SH3BGRL2: variants seen among roughly 807,000 people sequenced by gnomAD.
The protein encoded by SH3BGRL2 is SH3 domain-binding glutamic acid-rich-like protein 2.
In SH3BGRL2, 21 loss-of-function variants were observed where a neutral mutation model predicts 14.8. The observed-to-expected ratio is 1.42, with a 90% CI of 1.01 to 2.05. SH3BGRL2 has a LOEUF of 2.05. Ranked by LOEUF, SH3BGRL2 falls within the 30% of genes most tolerant of loss-of-function variation. The probability of loss-of-function intolerance (pLI) is 0.00; values close to 1 mark genes in which losing one functional copy is unlikely to be tolerated. For missense variants in SH3BGRL2, 147 were observed against 130.8 expected, an observed-to-expected ratio of 1.12 and a Z score of -0.61; for synonymous variants, 50 against 47.8, an observed-to-expected ratio of 1.05 and a Z score of -0.19.
At chr6:79,599,882 C>G in the SH3BGRL2 span, among the ~76,000 whole-genome samples, 754 of 152,200 alleles carry the variant, frequency 5.0e-3, 4 homozygotes, top group South Asian at 0.023. Context: ...GGTTCAGAAT[C>G]CAGAGGCAAT....
chr6:79,539,567 T>G, the SH3BGRL2 span, among the ~76,000 whole-genome samples: 1 of 152,238 alleles, frequency 6.6e-6, no homozygotes, highest in Non-Finnish European at 1.5e-5. Context: ...TTTGCTACAT[T>G]GCTAACTGAA....
chr6:79,601,881 TA>T, the SH3BGRL2 span, among the ~76,000 whole-genome samples: 5 of 151,962 alleles, frequency 3.3e-5, no homozygotes, highest in East Asian at 1.9e-4. Context: ...TGAGATGGCT[TA>T]AAAAAATATG....
At chr6:79,603,027 G>C in the SH3BGRL2 span, among the ~76,000 whole-genome samples, 1 of 152,010 alleles carries the variant, frequency 6.6e-6, no homozygotes. Flanking sequence ...AAAGGAATAT[G>C]ATGTTGAAAA....
Position 79,701,069 on chromosome 6 carries a change from T to C in SH3BGRL2, c.*1560T>C, listed in dbSNP as rs1770445225. 1.3e-5 allele frequency: 2 copies of C among 152,148 alleles called. No homozygotes were observed. The highest frequency in any genetic ancestry group is 2.9e-5 in the Non-Finnish European group (2 of 68,020). 9.4% of individuals were successfully genotyped at this position (152,148 alleles called of 1,614,324 possible). A position where few individuals can be genotyped will look rare whatever the true frequency, so the allele number is the denominator to read the frequency against. On this transcript the variant is annotated 3_prime_UTR_variant, in exon 4 of 4. Transcript: ENST00000369838. ...CTAAGGCTGAAATCCCAACCTGAGA[T>C]TTGTAGTCCAGGATTACAACCAGAA...
chr6:79,599,246 GGGAAGTGC>G, the SH3BGRL2 span, among the ~76,000 whole-genome samples: 1 of 152,120 alleles, frequency 6.6e-6, no homozygotes, highest in Non-Finnish European at 1.5e-5. Context: ...CCACTTCTTA[GGGAAGTGC>G]AAATTTGGAT....
the SH3BGRL2 span, among the ~76,000 whole-genome samples, chr6:79,578,997 T>G: frequency 6.6e-6 from 1 of 152,166 alleles, no homozygotes; most frequent in South Asian, 2.1e-4. Context: ...GAGAACTACA[T>G]GATGCATGCA....
At chr6:79,617,792 T>C in the SH3BGRL2 span, among the ~76,000 whole-genome samples, 3 of 152,238 alleles carry the variant, frequency 2.0e-5, no homozygotes, top group Non-Finnish European at 4.4e-5. Context: ...TTGGCAGGGA[T>C]ACTTCACAGG....
chr6:79,547,796 G>T, the SH3BGRL2 span, among the ~76,000 whole-genome samples: 1 of 152,126 alleles, frequency 6.6e-6, no homozygotes, highest in Non-Finnish European at 1.5e-5. Context: ...AAAAAAAAAT[G>T]TAATTTTTGT....
chr6:79,640,337 G>C (rs745710316), intron 1 of SH3BGRL2, among the ~76,000 whole-genome samples: 12 of 152,096 alleles, frequency 7.9e-5, no homozygotes, highest in South Asian at 2.1e-4. Context: ...ATATTTGATT[G>C]GTTTATTTTC....
intron 2 of SH3BGRL2, among the ~76,000 whole-genome samples, chr6:79,684,306 A>G (rs979039366): frequency 2.0e-5 from 3 of 151,720 alleles, no homozygotes; most frequent in African/African-American, 7.3e-5. Context: ...ATTAACTAGG[A>G]CTCTGGTTAT....
At chr6:79,669,406 G>A (rs901524246) in intron 1 of SH3BGRL2, among the ~76,000 whole-genome samples, 14 of 144,766 alleles carry the variant, frequency 9.7e-5, no homozygotes, top group African/African-American at 3.3e-4. Context: ...ATTAACAAAT[G>A]TTTAATAAAA....
chr6:79,644,722 T>A (rs965266840), intron 1 of SH3BGRL2, among the ~76,000 whole-genome samples: 3 of 152,166 alleles, frequency 2.0e-5, no homozygotes, highest in African/African-American at 7.2e-5. Context: ...TGTAAAGTTG[T>A]TGAAGCTTAA....
the SH3BGRL2 span, among the ~76,000 whole-genome samples, chr6:79,590,422 G>GTGAT: frequency 1.9e-4 from 9 of 46,486 alleles, no homozygotes; most frequent in African/African-American, 7.7e-4. Context: ...TAAAGAAAAT[G>GTGAT]TGATATATAT....
chr6:79,590,909 C>G, the SH3BGRL2 span, among the ~76,000 whole-genome samples: 7 of 152,154 alleles, frequency 4.6e-5, no homozygotes, highest in Non-Finnish European at 8.8e-5. Flanking sequence ...GCAGAGATAT[C>G]TACTGCAAAT....
the SH3BGRL2 span, among the ~76,000 whole-genome samples, chr6:79,590,424 G>GAGATATATATAT: frequency 5.2e-4 from 35 of 66,684 alleles, 1 homozygote; most frequent in African/African-American, 2.5e-3. Context: ...AAGAAAATGT[G>GAGATATATATAT]ATATATATAT....
At chr6:79,619,983 A>G in the SH3BGRL2 span, among the ~76,000 whole-genome samples, 1 of 152,196 alleles carries the variant, frequency 6.6e-6, no homozygotes. Context: ...TCAAAAACAA[A>G]TGTTTCTGAT....
the SH3BGRL2 span, among the ~76,000 whole-genome samples, chr6:79,538,160 A>AAG: frequency 6.7e-6 from 1 of 149,624 alleles, no homozygotes; most frequent in Admixed American, 6.7e-5. Context: ...GTAAAAAAAA[A>AAG]TCCTCTTTCG....
At chr6:79,615,979 G>A in the SH3BGRL2 span, among the ~76,000 whole-genome samples, 17 of 151,966 alleles carry the variant, frequency 1.1e-4, no homozygotes, top group Admixed American at 2.6e-4. Flanking sequence ...ACCATGCCTA[G>A]CTGATTTTCT....
the SH3BGRL2 span, among the ~76,000 whole-genome samples, chr6:79,579,061 G>T: frequency 2.0e-5 from 3 of 152,088 alleles, no homozygotes; most frequent in Non-Finnish European, 4.4e-5. Context: ...AGTGATGGAA[G>T]ATCAAATTAA....
Sources: gnomAD v4.1 joint callset for allele counts (sites outside exome capture counted in the v4.1 genomes callset) on GRCh38, gnomAD v4.1.1 for gene constraint, MANE v1.5 for transcripts, NCBI Gene and HGNC (gene_info 2026-07-23, HGNC 2026-07-21) for gene names.